The following GMDS variants were observed in gnomAD, a reference collection of about 807,000 sequenced individuals.
The protein encoded by GMDS is GDP-mannose 4,6-dehydratase.
Under a neutral mutation model 49.9 loss-of-function variants are expected in GMDS, and 20 were observed. That is an observed-to-expected ratio of 0.40 (90% CI 0.28 to 0.58). The LOEUF is 0.58. Among genes scored for constraint, GMDS ranks in the 20% least tolerant of loss-of-function variants. GMDS has a pLI of 0.42. For missense variants in GMDS, 362 were observed against 481.4 expected (o/e 0.75, Z 2.32); for synonymous variants, 177 against 178.6 (o/e 0.99, Z 0.07).
At chr6:1,894,725 A>G (rs944314261) in intron 7 of GMDS, among the ~76,000 whole-genome samples, 4 of 152,232 alleles carry the variant, frequency 2.6e-5, no homozygotes, top group Non-Finnish European at 4.4e-5. Context: ...ATGGTAATAC[A>G]ATCATTTTTT....
At chr6:1,777,203 G>A (rs2113597843) in intron 7 of GMDS, among the ~76,000 whole-genome samples, 1 of 152,368 alleles carries the variant, frequency 6.6e-6, no homozygotes, top group African/African-American at 2.4e-5. Context: ...CTCCTGCTGG[G>A]TGGCAGAAGA....
At chr6:1,999,516 G>A (rs1162148877) in intron 4 of GMDS, among the ~76,000 whole-genome samples, 1 of 151,846 alleles carries the variant, frequency 6.6e-6, no homozygotes, top group Non-Finnish European at 1.5e-5. Flanking sequence ...CAAGGATACA[G>A]TGGCATGAAG....
chr6:1,784,752 G>C (rs926741458), intron 7 of GMDS, among the ~76,000 whole-genome samples: 1 of 152,180 alleles, frequency 6.6e-6, no homozygotes, highest in Non-Finnish European at 1.5e-5. Context: ...CTTTTGGATG[G>C]AACACTGAAC....
chr6:2,049,836 CAA>C (rs1770271257), intron 4 of GMDS, among the ~76,000 whole-genome samples: 2 of 152,124 alleles, frequency 1.3e-5, no homozygotes, highest in South Asian at 2.1e-4. Context: ...CCAATGAGAA[CAA>C]AGACACAATG....
chr6:2,030,757 T>C (rs763608601), intron 4 of GMDS, among the ~76,000 whole-genome samples: 3 of 152,216 alleles, frequency 2.0e-5, no homozygotes, highest in African/African-American at 7.2e-5. Flanking sequence ...TAGATAAACA[T>C]AGTAAAACTG....
intron 4 of GMDS, among the ~76,000 whole-genome samples, chr6:1,992,732 A>T (rs1176288009): frequency 6.6e-6 from 1 of 152,172 alleles, no homozygotes; most frequent in Non-Finnish European, 1.5e-5. Flanking sequence ...TTATTTACTC[A>T]GTATTACTGT....
intron 9 of GMDS, among the ~76,000 whole-genome samples, chr6:1,719,613 T>C (rs1172716496): frequency 8.5e-5 from 10 of 117,752 alleles, no homozygotes; most frequent in Non-Finnish European, 1.7e-4. Context: ...AGAGCACTGC[T>C]GATTTGTTTA....
At chr6:1,639,609 C>T (rs966986865) in intron 9 of GMDS, among the ~76,000 whole-genome samples, 3 of 152,212 alleles carry the variant, frequency 2.0e-5, no homozygotes, top group African/African-American at 4.8e-5. Context: ...AAGCTGAGGC[C>T]GGGCACGGTG....
At chr6:1,740,719 TAAAA>T (rs1767237025) in intron 8 of GMDS, among the ~76,000 whole-genome samples, 1 of 152,110 alleles carries the variant, frequency 6.6e-6, no homozygotes, top group Admixed American at 6.6e-5. Context: ...GTATCTTCTT[TAAAA>T]AATAAAATAG....
chr6:1,971,839 A>C (rs1764630513), intron 4 of GMDS, among the ~76,000 whole-genome samples: 1 of 152,234 alleles, frequency 6.6e-6, no homozygotes, highest in Admixed American at 6.5e-5. Context: ...TGGAGCTCTC[A>C]CAAGTCAGAG....
chr6:1,950,897 T>C (rs1421758185), intron 6 of GMDS, among the ~76,000 whole-genome samples: 1 of 151,938 alleles, frequency 6.6e-6, no homozygotes, highest in African/African-American at 2.4e-5. Context: ...ATGAACCATC[T>C]GGACAGGACA....
intron 8 of GMDS, among the ~76,000 whole-genome samples, chr6:1,734,969 C>A (rs930239900): frequency 1.1e-4 from 16 of 152,240 alleles, no homozygotes; most frequent in African/African-American, 3.9e-4. Flanking sequence ...AGAGCCTCAG[C>A]GTGTCCACGC....
chr6:2,182,135 A>C (rs149335538), intron 1 of GMDS, among the ~76,000 whole-genome samples: 133 of 152,378 alleles, frequency 8.7e-4, no homozygotes, highest in Non-Finnish European at 1.6e-3. Context: ...AACTAGTAAC[A>C]ACAGTGCCTT....
chr6:1,843,975 C>T (rs534484141), intron 7 of GMDS, among the ~76,000 whole-genome samples: 2 of 152,278 alleles, frequency 1.3e-5, no homozygotes, highest in South Asian at 4.2e-4. Context: ...GAGACTTCAA[C>T]TCGCCCTCAG....
At chr6:2,090,577 T>C (rs1043573088) in intron 4 of GMDS, among the ~76,000 whole-genome samples, 1 of 152,174 alleles carries the variant, frequency 6.6e-6, no homozygotes, top group Non-Finnish European at 1.5e-5. Flanking sequence ...AAACGACCTG[T>C]TTAAAATTGC....
chr6:1,786,975 C>T (rs1461185203), intron 7 of GMDS, among the ~76,000 whole-genome samples: 2 of 152,176 alleles, frequency 1.3e-5, no homozygotes, highest in South Asian at 2.1e-4. Flanking sequence ...TCTGCCAGCG[C>T]GTACCCACAG....
At chr6:1,992,391 T>C (rs1431455317) in intron 4 of GMDS, among the ~76,000 whole-genome samples, 1 of 152,168 alleles carries the variant, frequency 6.6e-6, no homozygotes, top group African/African-American at 2.4e-5. Context: ...TTCTTCAGGC[T>C]AACCTCAGGT....
intron 3 of GMDS, among the ~76,000 whole-genome samples, chr6:2,116,137 C>T (rs187713091): frequency 7.2e-5 from 11 of 152,096 alleles, no homozygotes; most frequent in East Asian, 3.9e-4. Flanking sequence ...CACAGTATCA[C>T]GAACATGTTA....
intron 8 of GMDS, among the ~76,000 whole-genome samples, chr6:1,737,333 T>A (rs1203062871): frequency 2.6e-5 from 4 of 152,154 alleles, no homozygotes; most frequent in African/African-American, 9.7e-5. Context: ...AGAAAATTAG[T>A]CAAGACAAGT....
Sources: allele counts gnomAD v4.1 joint callset (sites outside exome capture counted in the v4.1 genomes callset), GRCh38; gene constraint gnomAD v4.1.1; transcripts MANE v1.5; gene names NCBI Gene and HGNC (gene_info 2026-07-23, HGNC 2026-07-21).